LRRC37A2: variants seen among roughly 807,000 people sequenced by gnomAD.
LRRC37A2 encodes the protein leucine rich repeat containing 37 member A2.
Under a neutral mutation model 68.8 loss-of-function variants are expected in LRRC37A2, and 9 were observed. That is an observed-to-expected ratio of 0.13 (90% CI 0.08 to 0.23). LRRC37A2 has a LOEUF of 0.23. Ranked by LOEUF, LRRC37A2 falls within the 10% of genes least tolerant of loss-of-function variation. The pLI, the probability that LRRC37A2 is intolerant of heterozygous loss-of-function variation, is 1.00. For missense variants in LRRC37A2, 168 were observed against 950.4 expected, an observed-to-expected ratio of 0.18 and a Z score of 10.82; for synonymous variants, 63 against 367.6, an observed-to-expected ratio of 0.17 and a Z score of 9.48.
At chr17:46,904,960 C>T in the LRRC37A2 span, among the ~76,000 whole-genome samples, 65 of 152,322 alleles carry the variant, frequency 4.3e-4, no homozygotes, top group African/African-American at 1.5e-3. Context: ...TTGTCCACCC[C>T]CACCGTAAAG....
At chr17:47,034,087 C>T in the LRRC37A2 span, among the ~76,000 whole-genome samples, 1 of 152,198 alleles carries the variant, frequency 6.6e-6, no homozygotes, top group Non-Finnish European at 1.5e-5. Flanking sequence ...GTAATCCCAG[C>T]ACTTTAGGAG....
the LRRC37A2 span, among the ~76,000 whole-genome samples, chr17:46,853,413 C>T: frequency 7.1e-6 from 1 of 141,572 alleles, no homozygotes; most frequent in Non-Finnish European, 1.5e-5. Flanking sequence ...CCTCTGTCAC[C>T]CAGGCTGGAG....
the LRRC37A2 span, among the ~76,000 whole-genome samples, chr17:46,957,320 AAAG>A: frequency 1.3e-5 from 2 of 152,110 alleles, no homozygotes; most frequent in Admixed American, 6.5e-5. Context: ...GAAAACAAAA[AAAG>A]AAACCCAGGC....
chr17:46,758,387 G>A, the LRRC37A2 span, among the ~76,000 whole-genome samples: 1 of 152,224 alleles, frequency 6.6e-6, no homozygotes. Flanking sequence ...GGTTCTTGAA[G>A]CTGCCCAAAT....
the LRRC37A2 span, among the ~76,000 whole-genome samples, chr17:47,015,807 C>T: frequency 6.6e-6 from 1 of 151,870 alleles, no homozygotes; most frequent in African/African-American, 2.4e-5. Context: ...TAAAACCCAC[C>T]AAGGAGACTT....
the LRRC37A2 span, chr17:46,830,601 T>C: frequency 0.028 from 11,354 of 398,594 alleles, 888 homozygotes; most frequent in East Asian, 0.24. Context: ...AAAATATTTA[T>C]TCTTTTACTT....
At chr17:46,812,112 G>A in the LRRC37A2 span, among the ~76,000 whole-genome samples, 1 of 152,178 alleles carries the variant, frequency 6.6e-6, no homozygotes, top group Non-Finnish European at 1.5e-5. Flanking sequence ...CCCGGGAGAT[G>A]GGATCCAGCT....
the LRRC37A2 span, among the ~76,000 whole-genome samples, chr17:47,002,679 C>G: frequency 2.0e-5 from 3 of 152,142 alleles, no homozygotes; most frequent in African/African-American, 7.2e-5. Context: ...CATGAGCCAC[C>G]ACGCCTGGCC....
At chr17:47,004,460 G>A in the LRRC37A2 span, among the ~76,000 whole-genome samples, 13 of 152,238 alleles carry the variant, frequency 8.5e-5, no homozygotes, top group Admixed American at 2.6e-4. Flanking sequence ...GCCAGCAGCA[G>A]GGGTGGCACT....
chr17:47,013,359 A>C, the LRRC37A2 span, among the ~76,000 whole-genome samples: 3 of 152,248 alleles, frequency 2.0e-5, no homozygotes, highest in African/African-American at 7.2e-5. Context: ...CATGAATTAT[A>C]TCTCAATAAA....
the LRRC37A2 span, among the ~76,000 whole-genome samples, chr17:46,814,330 C>G: frequency 6.6e-6 from 1 of 152,228 alleles, no homozygotes; most frequent in East Asian, 1.9e-4. Flanking sequence ...ATTATTATAA[C>G]GTTTGACCTG....
the LRRC37A2 span, among the ~76,000 whole-genome samples, chr17:46,779,322 G>A: frequency 6.6e-6 from 1 of 152,218 alleles, no homozygotes; most frequent in Non-Finnish European, 1.5e-5. Flanking sequence ...AGGCTCCCAA[G>A]GGGGATAGAG....
the LRRC37A2 span, among the ~76,000 whole-genome samples, chr17:46,496,754 A>C: frequency 3.0e-5 from 4 of 131,642 alleles, no homozygotes; most frequent in African/African-American, 1.2e-4. Flanking sequence ...GTCTCTACTA[A>C]AAATACAAAA....
At chr17:47,045,267 T>C in the LRRC37A2 span, among the ~76,000 whole-genome samples, 82 of 141,336 alleles carry the variant, frequency 5.8e-4, no homozygotes, top group African/African-American at 1.9e-3. Context: ...GAAACCCTCT[T>C]CTGTTTTCAC....
the LRRC37A2 span, among the ~76,000 whole-genome samples, chr17:46,661,383 T>TATC: frequency 1.1e-5 from 1 of 94,498 alleles, no homozygotes; most frequent in Non-Finnish European, 1.8e-5. Context: ...TTCTTTTTAT[T>TATC]ATTATTATTA....
At chr17:46,991,817 C>T in the LRRC37A2 span, among the ~76,000 whole-genome samples, 1 of 152,254 alleles carries the variant, frequency 6.6e-6, no homozygotes, top group African/African-American at 2.4e-5. Context: ...GATTGAAACA[C>T]AGCTATGTGC....
chr17:46,877,262 C>A, the LRRC37A2 span, among the ~76,000 whole-genome samples: 1 of 152,178 alleles, frequency 6.6e-6, no homozygotes, highest in Non-Finnish European at 1.5e-5. Flanking sequence ...TTTTGCTGTG[C>A]CAGAGATGGG....
At chr17:46,868,327 C>A in the LRRC37A2 span, among the ~76,000 whole-genome samples, 4 of 152,344 alleles carry the variant, frequency 2.6e-5, no homozygotes, top group African/African-American at 9.6e-5. Context: ...CGTGGTGGCT[C>A]ATGCCTGTAA....
At chr17:46,923,523 T>C in the LRRC37A2 span, 1 of 1,355,558 alleles carries the variant, frequency 7.4e-7, no homozygotes, top group South Asian at 2.0e-5. Context: ...TAAAACTTTG[T>C]CCAGCACTTG....
Sources: allele counts gnomAD v4.1 joint callset (sites outside exome capture counted in the v4.1 genomes callset), GRCh38; gene constraint gnomAD v4.1.1; transcripts MANE v1.5; gene names NCBI Gene and HGNC (gene_info 2026-07-23, HGNC 2026-07-21).